The following DPP6 variants were observed in gnomAD, a reference collection of about 807,000 sequenced individuals.
DPP6 encodes the protein A-type potassium channel modulatory protein DPP6.
Under a neutral mutation model 122.6 loss-of-function variants are expected in DPP6, and 69 were observed. The ratio of observed to expected loss-of-function variants is 0.56; its 90% CI spans 0.46 to 0.69. DPP6 has a LOEUF of 0.69. Among genes scored for constraint, DPP6 ranks in the 30% least tolerant of loss-of-function variants. The pLI, the probability that DPP6 is intolerant of heterozygous loss-of-function variation, is 0.00. For missense variants in DPP6, 928 were observed against 1,116.9 expected (o/e 0.83, Z 2.41); for synonymous variants, 418 against 433.1 (o/e 0.97, Z 0.43).
At chr7:154,140,239 A>T (rs952686759) in intron 1 of DPP6, among the ~76,000 whole-genome samples, 1 of 152,226 alleles carries the variant, frequency 6.6e-6, no homozygotes, top group Non-Finnish European at 1.5e-5. Context: ...AAAGGGCCAT[A>T]TCTGATTAAA....
chr7:153,950,747 A>G (rs1802171379), intron 1 of DPP6, among the ~76,000 whole-genome samples: 1 of 152,208 alleles, frequency 6.6e-6, no homozygotes, highest in African/African-American at 2.4e-5. Flanking sequence ...GAAAATAAGA[A>G]GGAGCAGAGG....
At position 154,013,769 on chromosome 7, in the gene DPP6, T is replaced by C. The variant is rs878909398; in HGVS notation, c.51+126035T>C. 1.1e-4 allele frequency among the ~76,000 whole-genome samples: 16 copies of C among 152,222 alleles called. No individual in the cohort carries two copies. In the East Asian group the frequency reaches 2.5e-3, roughly 24 times the overall value. ...CATGGAACTTGCTCTGCTCCTCATG[T>C]TTCTATTTGTTTAGGAAATTCACTA... is the stretch of plus-strand genomic sequence containing the variant. On this transcript the variant is annotated intron_variant, in intron 1 of 25. Transcript: ENST00000404039.
chr7:153,978,298 T>G (rs1796411640), intron 1 of DPP6, among the ~76,000 whole-genome samples: 1 of 152,276 alleles, frequency 6.6e-6, no homozygotes, highest in Admixed American at 6.5e-5. Flanking sequence ...ATTTCTCTAA[T>G]GACCAGTGAT....
At chr7:154,061,099 T>A (rs1446967173) in intron 1 of DPP6, among the ~76,000 whole-genome samples, 16 of 148,728 alleles carry the variant, frequency 1.1e-4, no homozygotes, top group Admixed American at 8.6e-4. Context: ...AGAAAGCAGG[T>A]TATTTGCAAT....
intron 5 of DPP6, among the ~76,000 whole-genome samples, chr7:154,628,803 C>A (rs12154602): frequency 0.81 from 123,448 of 152,120 alleles, 50,229 homozygotes; most frequent in East Asian, 0.92. Context: ...TCGTGCAGGA[C>A]CATGACAGTG....
At chr7:154,078,763 G>A (rs769229287) in intron 1 of DPP6, among the ~76,000 whole-genome samples, 1 of 152,084 alleles carries the variant, frequency 6.6e-6, no homozygotes, top group Non-Finnish European at 1.5e-5. Context: ...AACATGAAAA[G>A]CATTGGAATC....
chr7:154,363,277 T>C (rs1326479095), intron 1 of DPP6, among the ~76,000 whole-genome samples: 1 of 152,142 alleles, frequency 6.6e-6, no homozygotes, highest in Admixed American at 6.5e-5. Flanking sequence ...GTAGTTGTTA[T>C]AAGAAATGCT....
intron 1 of DPP6, among the ~76,000 whole-genome samples, chr7:154,196,103 T>C (rs1024371365): frequency 6.6e-6 from 1 of 152,240 alleles, no homozygotes; most frequent in African/African-American, 2.4e-5. Context: ...TCCTCTCCTC[T>C]CTGTTCTGTG....
chr7:154,000,194 C>CTAAA (rs1206248608), intron 1 of DPP6, among the ~76,000 whole-genome samples: 1 of 152,172 alleles, frequency 6.6e-6, no homozygotes, highest in African/African-American at 2.4e-5. Context: ...ACTAAAGAAA[C>CTAAA]TAAATATTCT....
At chr7:154,423,893 A>G (rs771238050) in intron 1 of DPP6, among the ~76,000 whole-genome samples, 2 of 152,236 alleles carry the variant, frequency 1.3e-5, no homozygotes, top group Non-Finnish European at 2.9e-5. Flanking sequence ...AAACTCACAG[A>G]GGCAAAGAAA....
At chr7:153,972,756 C>CTTT (rs146471299) in intron 1 of DPP6, among the ~76,000 whole-genome samples, 3 of 145,284 alleles carry the variant, frequency 2.1e-5, no homozygotes, top group African/African-American at 5.1e-5. Context: ...TAAATTGCAA[C>CTTT]TTTTTTTTTT....
intron 4 of DPP6, among the ~76,000 whole-genome samples, chr7:154,561,873 G>A (rs1415108962): frequency 2.0e-5 from 3 of 152,196 alleles, no homozygotes; most frequent in Admixed American, 1.3e-4. Flanking sequence ...AAGACACAAA[G>A]TATTACAGTT....
chr7:154,515,205 G>C (rs1826390840), intron 3 of DPP6, among the ~76,000 whole-genome samples: 2 of 152,210 alleles, frequency 1.3e-5, no homozygotes, highest in South Asian at 2.1e-4. Context: ...TACAAAGTCT[G>C]TTTTGAATGG....
chr7:153,864,350 C>G, the DPP6 span, among the ~76,000 whole-genome samples: 1 of 152,230 alleles, frequency 6.6e-6, no homozygotes, highest in Admixed American at 6.5e-5. Context: ...GTCAAACTTA[C>G]GTTTTAAAAA....
chr7:154,531,418 G>A (rs1827828768), intron 3 of DPP6, among the ~76,000 whole-genome samples: 1 of 152,070 alleles, frequency 6.6e-6, no homozygotes, highest in African/African-American at 2.4e-5. Flanking sequence ...CTATAAACTG[G>A]AAATCTATAT....
At chr7:154,578,221 A>C (rs1831810805) in intron 5 of DPP6, among the ~76,000 whole-genome samples, 2 of 152,154 alleles carry the variant, frequency 1.3e-5, no homozygotes, top group Non-Finnish European at 2.9e-5. Context: ...CCAGAATGTC[A>C]TTGTCAAAAG....
At chr7:154,295,608 G>A (rs62475060) in intron 1 of DPP6, among the ~76,000 whole-genome samples, 30,773 of 151,902 alleles carry the variant, frequency 0.2, 3,129 homozygotes, top group Non-Finnish European at 0.22. Context: ...AAGAACTGTC[G>A]TACTTTCTTC....
intron 5 of DPP6, chr7:154,587,428 T>TTCCC (rs1832529331): frequency 3.3e-6 from 2 of 600,142 alleles, no homozygotes; most frequent in South Asian, 4.1e-5. Flanking sequence ...CCACCTGTCC[T>TTCCC]TCCCTCCTGT....
At chr7:154,434,396 G>C (rs1818692494) in intron 1 of DPP6, among the ~76,000 whole-genome samples, 1 of 152,118 alleles carries the variant, frequency 6.6e-6, no homozygotes, top group Non-Finnish European at 1.5e-5. Flanking sequence ...TGTGGCTGCT[G>C]GCTTTCACCC....
Sources: gnomAD v4.1 joint callset for allele counts (sites outside exome capture counted in the v4.1 genomes callset) on GRCh38, gnomAD v4.1.1 for gene constraint, MANE v1.5 for transcripts, NCBI Gene and HGNC (gene_info 2026-07-23, HGNC 2026-07-21) for gene names.